The following ERCC6 variants were observed in gnomAD, a reference collection of about 807,000 sequenced individuals.
ERCC6 encodes DNA excision repair protein ERCC-6.
ERCC6 carries 116 observed loss-of-function variants against 158.7 expected under a neutral mutation model. The ratio of observed to expected loss-of-function variants is 0.73; its 90% CI spans 0.63 to 0.85. The LOEUF (loss-of-function observed/expected upper bound fraction) is 0.85. ERCC6 is among the 40% of genes least tolerant of loss of function. The probability of loss-of-function intolerance (pLI) is 0.00; values close to 1 mark genes in which losing one functional copy is unlikely to be tolerated. For synonymous variants in ERCC6, 678 were observed against 659.3 expected (o/e 1.03, Z -0.43); for missense variants, 1,698 against 1,799.4 (o/e 0.94, Z 1.02).
chr10:49,516,375 C>T, intron 5 of ERCC6: 3 of 1,614,032 alleles, frequency 1.9e-6, no homozygotes, highest in Non-Finnish European at 2.5e-6. Context: ...TATGAGAGGT[C>T]GCAATTTGGA....
intron 8 of ERCC6, among the ~76,000 whole-genome samples, chr10:49,485,272 G>A (rs1188786511): frequency 6.6e-6 from 1 of 152,194 alleles, no homozygotes; most frequent in Non-Finnish European, 1.5e-5. Context: ...ACCAGGTCAC[G>A]CAGCTGCTAA....
At chr10:49,472,530 A>T in intron 15 of ERCC6, 60 bp from the exon 16 acceptor site, 1 of 1,558,382 alleles carries the variant, frequency 6.4e-7, no homozygotes, top group Non-Finnish European at 8.8e-7. Context: ...AGCACTGACT[A>T]TAAGAAACAA....
chr10:49,512,641 G>C (rs1196704530), intron 5 of ERCC6, among the ~76,000 whole-genome samples: 1 of 152,112 alleles, frequency 6.6e-6, no homozygotes. Flanking sequence ...AAAATGCTTG[G>C]GACAAGAAGT....
rs191793152 is a variant in ERCC6, at chr10:49,535,279, C to A, written c.-14-2301G>T. On this transcript the variant is annotated intron_variant, in intron 1 of 20. Coordinates refer to ENST00000355832, the MANE Select transcript of ERCC6 (RefSeq NM_000124.4). Reference sequence around the variant, plus strand: ...ATCAGTACCATTTGCAGCATGCAGTCAGAAATGCAAATCTGAGCTCAAGGG... The same window carrying A: ...ATCAGTACCATTTGCAGCATGCAGTAAGAAATGCAAATCTGAGCTCAAGGG... Among the ~76,000 whole-genome samples, 642 of 152,300 alleles carry A rather than the reference C, an allele frequency of 4.2e-3. 3 individuals carry two copies. Among genetic ancestry groups the A allele is most frequent in the African/African-American group, 0.015 (619 of 41,558 alleles).
chr10:49,444,973 C>T, the ERCC6 span, among the ~76,000 whole-genome samples: 1 of 152,026 alleles, frequency 6.6e-6, no homozygotes, highest in South Asian at 2.1e-4. Context: ...AATAGGGGTT[C>T]CCCACCTTCA....
chr10:49,472,424 A>G lies in ERCC6; in HGVS notation c.2876T>C (p.Val959Ala), dbSNP rs746867691. The change falls in exon 16 of 21, where the codon GTG (valine) becomes GCG (alanine). Residue 959 changes from valine to alanine, a missense_variant. By Grantham distance (64) the Val-to-Ala change is moderately conservative (BLOSUM62 0). Coordinates refer to ENST00000355832, the MANE Select transcript of ERCC6 (RefSeq NM_000124.4). ...WRIGQKKQVT[V>A]YRLLTAGTIE... is the part of the protein sequence containing the mutation. ...GGTGCCCGCAGTCAGGAGCCTGTAC[A>G]CAGTCACTTGCTTCTTCTGGCCTAT... The G allele has an allele frequency of 1.2e-6, 2 of 1,614,036 alleles. No homozygotes were observed. The highest frequency in any genetic ancestry group is 1.7e-5 in the Admixed American group (1 of 60,002).
At chr10:49,480,308 T>C (rs1850954727) in intron 10 of ERCC6, among the ~76,000 whole-genome samples, 1 of 152,162 alleles carries the variant, frequency 6.6e-6, no homozygotes, top group African/African-American at 2.4e-5. Context: ...ACCAGGTTTA[T>C]TTGCCATTTT....
At chr10:49,466,054 C>A (rs75226363) in intron 18 of ERCC6, among the ~76,000 whole-genome samples, 1 of 152,074 alleles carries the variant, frequency 6.6e-6, no homozygotes, top group Non-Finnish European at 1.5e-5. Flanking sequence ...ATAGAGTCAA[C>A]AAGGATGGGA....
chr10:49,515,520 T>C, intron 5 of ERCC6: 1 of 1,614,146 alleles, frequency 6.2e-7, no homozygotes, highest in Non-Finnish European at 8.5e-7. Flanking sequence ...TTGGCCAGGT[T>C]CTGGAGGATG....
At chr10:49,493,735 G>C (rs1260043158) in intron 7 of ERCC6, among the ~76,000 whole-genome samples, 1 of 152,146 alleles carries the variant, frequency 6.6e-6, no homozygotes, top group East Asian at 1.9e-4. Context: ...CCACTGATGG[G>C]GGCTCATAAG....
chr10:49,496,185 G>A (rs1370035497), intron 7 of ERCC6, among the ~76,000 whole-genome samples: 1 of 152,062 alleles, frequency 6.6e-6, no homozygotes, highest in Admixed American at 6.6e-5. Context: ...CCTCGACAAA[G>A]CCTTCCCTGT....
chr10:49,478,737 G>C (rs1850923403), intron 10 of ERCC6, among the ~76,000 whole-genome samples: 1 of 152,080 alleles, frequency 6.6e-6, no homozygotes, highest in South Asian at 2.1e-4. Flanking sequence ...ATAATTTTGT[G>C]CCTTATTTCT....
intron 3 of ERCC6, 56 bp from the exon 4 acceptor site, chr10:49,528,581 T>C (rs1258961154): frequency 1.9e-6 from 3 of 1,591,394 alleles, no homozygotes; most frequent in South Asian, 1.1e-5. Context: ...TATTGTTAAA[T>C]ACAAAAGATA....
At chr10:49,465,191 A>C (rs1482620671) in intron 18 of ERCC6, among the ~76,000 whole-genome samples, 1 of 152,234 alleles carries the variant, frequency 6.6e-6, no homozygotes, top group Non-Finnish European at 1.5e-5. Flanking sequence ...TGGATGCGAG[A>C]CAAGGAGTCA....
At chr10:49,533,951 T>C (rs1837531865) in intron 1 of ERCC6, among the ~76,000 whole-genome samples, 1 of 151,732 alleles carries the variant, frequency 6.6e-6, no homozygotes, top group South Asian at 2.1e-4. Context: ...CTGGCAAACA[T>C]GGTGAAACCC....
At chr10:49,515,833 T>A (rs1453374957) in intron 5 of ERCC6, 4 of 1,614,104 alleles carry the variant, frequency 2.5e-6, no homozygotes, top group Non-Finnish European at 3.4e-6. Flanking sequence ...AGGGGATGGA[T>A]ACCAGCACCA....
At chr10:49,436,184 T>G in the ERCC6 span, among the ~76,000 whole-genome samples, 2 of 152,112 alleles carry the variant, frequency 1.3e-5, no homozygotes, top group African/African-American at 4.8e-5. Flanking sequence ...CCTCTCTCCA[T>G]GCTTAAAAAT....
At chr10:49,441,642 G>A in the ERCC6 span, among the ~76,000 whole-genome samples, 2 of 152,186 alleles carry the variant, frequency 1.3e-5, no homozygotes. Flanking sequence ...CGCAGGTGGG[G>A]TGCTGTATTT....
chr10:49,475,356 T>C, intron 12 of ERCC6: 1 of 435,140 alleles, frequency 2.3e-6, no homozygotes, highest in South Asian at 1.7e-5. Flanking sequence ...TTAATGTGAC[T>C]ACTAGAAAAT....
Sources: gnomAD v4.1 joint callset for allele counts (sites outside exome capture counted in the v4.1 genomes callset) on GRCh38, gnomAD v4.1.1 for gene constraint, MANE v1.5 for transcripts, NCBI Gene and HGNC (gene_info 2026-07-23, HGNC 2026-07-21) for gene names.